Variants in CDH22 observed in about 807,000 individuals in gnomAD.
The protein encoded by CDH22 is cadherin 22.
A neutral mutation model predicts 58.4 loss-of-function variants in CDH22; 30 were observed. The ratio of observed to expected loss-of-function variants is 0.51; its 90% CI spans 0.38 to 0.70. CDH22 has a LOEUF of 0.70. Ranked by LOEUF, CDH22 falls within the 30% of genes least tolerant of loss-of-function variation. CDH22 has a pLI of 0.00. For missense variants in CDH22, 1,014 were observed against 1,233.9 expected, an observed-to-expected ratio of 0.82 and a Z score of 2.67; for synonymous variants, 513 against 558.2, an observed-to-expected ratio of 0.92 and a Z score of 1.14.
intron 1 of CDH22, among the ~76,000 whole-genome samples, chr20:46,298,021 C>T (rs2145782951): frequency 6.6e-6 from 1 of 152,256 alleles, no homozygotes; most frequent in South Asian, 2.1e-4. Flanking sequence ...AAATGTCCCA[C>T]TCTGCACCCA....
rs574514059 is a variant in CDH22 at position 46,279,693 on chromosome 20, G to C, written c.-399-28000C>G. On this transcript the variant is annotated intron_variant, in intron 1 of 11. Transcript: ENST00000537909. ...GCGCTGAGGAAGTGGGAGGGGACCA[G>C]ATTGGAGGTGGTGGGGAAGGGACTT... 2.6e-5 allele frequency among the ~76,000 whole-genome samples: 4 copies of C among 152,342 alleles called. No homozygotes were observed. In the East Asian group the frequency reaches 7.7e-4, roughly 29 times the overall value.
intron 1 of CDH22, among the ~76,000 whole-genome samples, chr20:46,258,887 G>A (rs2086418818): frequency 6.6e-6 from 1 of 152,244 alleles, no homozygotes; most frequent in Non-Finnish European, 1.5e-5. Context: ...GCCAAGAAGA[G>A]GGGAGGTCCA....
intron 8 of CDH22, 83 bp downstream of exon 8, chr20:46,199,340 G>A: frequency 6.7e-7 from 1 of 1,494,848 alleles, no homozygotes; most frequent in South Asian, 1.3e-5. Context: ...CCTTGGCCCT[G>A]CCCCCAGCCC....
chr20:46,263,245 G>T (rs559430201), intron 1 of CDH22, among the ~76,000 whole-genome samples: 1 of 152,272 alleles, frequency 6.6e-6, no homozygotes, highest in East Asian at 1.9e-4. Context: ...ACACATGATG[G>T]GGTTGCCTGG....
chr20:46,257,434 G>C (rs1331946104), intron 1 of CDH22, among the ~76,000 whole-genome samples: 1 of 152,220 alleles, frequency 6.6e-6, no homozygotes, highest in Admixed American at 6.5e-5. Context: ...GAGCAGCGGA[G>C]ATGCTGAAAA....
At chr20:46,269,776 C>T (rs1267865205) in intron 1 of CDH22, among the ~76,000 whole-genome samples, 2 of 152,164 alleles carry the variant, frequency 1.3e-5, no homozygotes, top group Admixed American at 6.5e-5. Context: ...GGGCTGGGGG[C>T]CTGAGGTCAG....
chr20:46,240,493 C>CT, intron 3 of CDH22, among the ~76,000 whole-genome samples: 1 of 152,062 alleles, frequency 6.6e-6, no homozygotes, highest in Non-Finnish European at 1.5e-5. Flanking sequence ...TGCAGTTGAA[C>CT]TTTTGTGAAG....
chr20:46,288,995 C>T (rs1486699556), intron 1 of CDH22, among the ~76,000 whole-genome samples: 6 of 152,312 alleles, frequency 3.9e-5, no homozygotes, highest in Non-Finnish European at 7.3e-5. Flanking sequence ...TTGTCTTACT[C>T]GGAGTAAAAT....
At chr20:46,231,928 A>G (rs2086222986) in intron 3 of CDH22, among the ~76,000 whole-genome samples, 1 of 152,134 alleles carries the variant, frequency 6.6e-6, no homozygotes, top group South Asian at 2.1e-4. Context: ...GAGGATTAGA[A>G]ATGATGGATT....
rs183518949 is a variant in CDH22 at position 46,236,842 on chromosome 20, C to T, written c.550+4121G>A. Among the ~76,000 whole-genome samples the T allele has an allele frequency of 2.8e-3, 430 of 151,902 alleles. 2 individuals are homozygous for T. Among genetic ancestry groups the T allele is most frequent in the African/African-American group, 9.6e-3 (398 of 41,414 alleles). ...GAGTAGCTGGGACTACAGGTGTATG[C>T]CACCATACCTGGCTAATTTTTTTCG... On this transcript the variant is annotated intron_variant, in intron 3 of 11. Transcript: ENST00000537909.
chr20:46,299,661 A>G (rs2086642621), intron 1 of CDH22, among the ~76,000 whole-genome samples: 1 of 152,282 alleles, frequency 6.6e-6, no homozygotes, highest in Non-Finnish European at 1.5e-5. Flanking sequence ...GCACAGTATT[A>G]GTAGCTAGGG....
rs1233312600 is a variant in CDH22, at chr20:46,241,806, G to A, written c.256-549C>T. ...TCATGTTCAGCCTTGTAGGATGGCT[G>A]TAGCCAGCACTTCTCAAACTCTAGT... On this transcript the variant is annotated intron_variant, in intron 2 of 11. Coordinates refer to ENST00000537909, the MANE Select transcript of CDH22 (RefSeq NM_021248.3). The surrounding 1 kb of genome is among the most constrained non-coding windows in gnomAD (Gnocchi z 5.2). 1.3e-5 allele frequency among the ~76,000 whole-genome samples: 2 copies of A among 152,232 alleles called. No homozygotes were observed. Among genetic ancestry groups the A allele is most frequent in the Non-Finnish European group, 2.9e-5 (2 of 68,048 alleles).
chr20:46,301,489 C>T (rs2086651261), intron 1 of CDH22, among the ~76,000 whole-genome samples: 1 of 146,062 alleles, frequency 6.8e-6, no homozygotes, highest in African/African-American at 2.6e-5. Flanking sequence ...TTATCTGTAA[C>T]TTGCCTATTA....
At chr20:46,231,824 A>G (rs2086222241) in intron 3 of CDH22, among the ~76,000 whole-genome samples, 1 of 152,020 alleles carries the variant, frequency 6.6e-6, no homozygotes, top group Non-Finnish European at 1.5e-5. Flanking sequence ...CCACTTCCTC[A>G]CTCTGCACCC....
chr20:46,288,585 G>A lies in CDH22; in HGVS notation c.-400+19670C>T, dbSNP rs116423794. 2.8e-3 allele frequency among the ~76,000 whole-genome samples: 420 copies of A among 152,188 alleles called. 1 individual carries two copies. The highest frequency in any genetic ancestry group is 9.5e-3 in the African/African-American group (396 of 41,474). ...CTTCAAAACCCTCATGTCTGAACCC[G>A]GACTCCTGAGTCCTACCCCCAACCA... On this transcript the variant is annotated intron_variant, in intron 1 of 11. Coordinates refer to ENST00000537909, the MANE Select transcript of CDH22 (RefSeq NM_021248.3).
At position 46,178,104 on chromosome 20, in the gene CDH22, G is replaced by A. The variant is rs140243551; in HGVS notation, c.1757C>T (p.Pro586Leu). ...FLPILVVDSG[P>L]PTLSSTGTLT... ...CGTGCCTGTGCTGCTCAGTGTGGGC[G>A]GCCCACTGTCTACCACCAGGATGGG... The change falls in exon 11 of 12, where the codon CCG becomes CTG. Residue 586 changes from proline to leucine, a missense_variant. Pro to Leu is a moderately conservative substitution (Grantham distance 98). Around this residue, in one of 2 missense-constraint regions of CDH22, gnomAD observed 806 missense variants for 1,038.7 expected, o/e 0.78. Coordinates refer to ENST00000537909, the MANE Select transcript of CDH22 (RefSeq NM_021248.3). The A allele has an allele frequency of 1.5e-4, 247 of 1,613,848 alleles. No homozygotes were observed. The highest frequency in any genetic ancestry group is 6.6e-4 in the Middle Eastern group (4 of 6,084).
chr20:46,244,836 G>A (rs2086317145), intron 2 of CDH22, among the ~76,000 whole-genome samples: 1 of 152,166 alleles, frequency 6.6e-6, no homozygotes, highest in Admixed American at 6.5e-5. Context: ...GTCATCGGTG[G>A]CCTCTTCTCT....
chr20:46,225,795 T>C (rs947364661), intron 4 of CDH22, among the ~76,000 whole-genome samples: 4 of 152,182 alleles, frequency 2.6e-5, no homozygotes, highest in Middle Eastern at 3.2e-3. Context: ...CGTTTCTTTT[T>C]TTTTTCTTTT....
At position 46,251,280 on chromosome 20, in the gene CDH22, G is replaced by A. The variant is rs2086371957; in HGVS notation, c.15C>T (p.Pro5=). Residue 5 remains proline (P), a synonymous_variant, in exon 2 of 12, where the codon CCC becomes CCT. Transcript: ENST00000537909. This position sits in a 1 kb window ranked among gnomAD's most constrained non-coding sequence, Gnocchi z 6.7. MRPR[P]EGRGLRAGVA... ...CTCCCGCCCGGAGCCCCCTACCTTC[G>A]GGCCTCGGCCTCATCCTTGGCCTGC... 1 of 1,459,906 alleles carries A rather than the reference G, an allele frequency of 6.8e-7. No homozygotes were observed. The highest frequency in any genetic ancestry group is 9.0e-7 in the Non-Finnish European group (1 of 1,112,984). The allele number at this position is 1,459,906 out of a possible 1,614,324, so 90.4% of individuals were successfully genotyped here. A position where few individuals can be genotyped will look rare whatever the true frequency, so the allele number is the denominator to read the frequency against.
Sources: allele counts gnomAD v4.1 joint callset (sites outside exome capture counted in the v4.1 genomes callset), GRCh38; gene constraint gnomAD v4.1.1; regional missense constraint gnomAD v4.1.1; non-coding constraint Gnocchi (gnomAD v3.1); transcripts MANE v1.5; gene names NCBI Gene and HGNC (gene_info 2026-07-23, HGNC 2026-07-21).